Variants in PIGX observed in about 807,000 individuals in gnomAD.
PIGX encodes phosphatidylinositol glycan anchor biosynthesis class X, also known as GPI alpha-1,4-mannosyltransferase I, stabilizing subunit.
A neutral mutation model predicts 28.7 loss-of-function variants in PIGX; 24 were observed. The observed-to-expected ratio is 0.84, with a 90% CI of 0.60 to 1.17. PIGX has a LOEUF of 1.17. Ranked by LOEUF, PIGX falls within the 50% of genes most tolerant of loss-of-function variation. The pLI is 0.00. For missense variants in PIGX, 305 were observed against 317.8 expected, an observed-to-expected ratio of 0.96 and a Z score of 0.31; for synonymous variants, 127 against 121.0, an observed-to-expected ratio of 1.05 and a Z score of -0.33.
At chr3:196,732,488 G>A (rs1577682621) in intron 5 of PIGX, among the ~76,000 whole-genome samples, 1 of 150,224 alleles carries the variant, frequency 6.7e-6, no homozygotes, top group Non-Finnish European at 1.5e-5. Flanking sequence ...CACTGTGTTG[G>A]CCAGGCTGGT....
At chr3:196,716,673 A>G (rs1334554213) in intron 1 of PIGX, among the ~76,000 whole-genome samples, 185 bp from the exon 2 acceptor site, 1 of 152,206 alleles carries the variant, frequency 6.6e-6, no homozygotes, top group Non-Finnish European at 1.5e-5. Context: ...TCTTAACCAC[A>G]GTGCTATATT....
At chr3:196,718,054 T>C (rs1398239130) in intron 2 of PIGX, 1 of 152,184 alleles carries the variant, frequency 6.6e-6, no homozygotes, top group Non-Finnish European at 1.5e-5. Flanking sequence ...CTCATGCCTG[T>C]AATCCCAGCA....
rs150934474 is a variant in PIGX at position 196,724,812 on chromosome 3, A to G, written c.318+2256A>G. On this transcript the variant is annotated intron_variant, in intron 3 of 5. Coordinates refer to ENST00000392391, the MANE Select transcript of PIGX (RefSeq NM_017861.4). ...ATTCCTCGTACAGAGAAACTTTGTT[A>G]TGCTAAGTGTTATTATATAATAAGT... Among the ~76,000 whole-genome samples the G allele has an allele frequency of 1.1e-3, 170 of 152,296 alleles. 1 individual carries two copies. Among genetic ancestry groups the G allele is most frequent in the Non-Finnish European group, 2.1e-3 (143 of 68,030 alleles).
At chr3:196,718,328 G>T (rs568352999) in intron 2 of PIGX, among the ~76,000 whole-genome samples, 1 of 152,000 alleles carries the variant, frequency 6.6e-6, no homozygotes, top group Non-Finnish European at 1.5e-5. Flanking sequence ...AAAAAAAAAG[G>T]GGGGGAAGGG....
At chr3:196,713,188 T>G (rs1711908904) in intron 1 of PIGX, 3 of 660,702 alleles carry the variant, frequency 4.5e-6, no homozygotes, top group Non-Finnish European at 5.6e-6. Flanking sequence ...ATGAGGATGT[T>G]TCTGTCATCC....
At chr3:196,723,583 C>A (rs1712406731) in intron 3 of PIGX, among the ~76,000 whole-genome samples, 1 of 151,408 alleles carries the variant, frequency 6.6e-6, no homozygotes, top group Admixed American at 6.6e-5. Flanking sequence ...TAGATTGGGC[C>A]CCAAAATCTG....
At chr3:196,725,682 A>G (rs1712491086) in intron 3 of PIGX, among the ~76,000 whole-genome samples, 1 of 152,170 alleles carries the variant, frequency 6.6e-6, no homozygotes, top group South Asian at 2.1e-4. Context: ...GATGCCAGGG[A>G]AAGAGCCATC....
At chr3:196,716,233 A>G (rs1320757475) in intron 1 of PIGX, among the ~76,000 whole-genome samples, 3 of 151,256 alleles carry the variant, frequency 2.0e-5, no homozygotes, top group Non-Finnish European at 4.4e-5. Flanking sequence ...TTACAGTGGA[A>G]CCCGTTGAAC....
At chr3:196,730,551 C>G (rs1712705446) in intron 4 of PIGX, among the ~76,000 whole-genome samples, 1 of 151,776 alleles carries the variant, frequency 6.6e-6, no homozygotes, top group South Asian at 2.1e-4. Flanking sequence ...AGTTCAAGAC[C>G]ATCCTGGCCA....
intron 4 of PIGX, among the ~76,000 whole-genome samples, chr3:196,730,422 C>T (rs913255986): frequency 1.3e-5 from 2 of 152,006 alleles, no homozygotes. Context: ...TTTTTAAGAG[C>T]AGCCCCAAAT....
intron 3 of PIGX, among the ~76,000 whole-genome samples, chr3:196,727,170 T>C (rs1357963760): frequency 6.6e-6 from 1 of 152,146 alleles, no homozygotes; most frequent in Non-Finnish European, 1.5e-5. Context: ...TCCATACATA[T>C]ACACATAGGT....
chr3:196,717,531 G>T (rs1371621706), intron 2 of PIGX, among the ~76,000 whole-genome samples: 3 of 152,076 alleles, frequency 2.0e-5, no homozygotes, highest in African/African-American at 7.2e-5. Flanking sequence ...AAATGGCATA[G>T]TACTTGTATA....
At position 196,712,590 on chromosome 3, in the gene PIGX, A is replaced by T; in HGVS notation, c.58A>T (p.Thr20Ser). Reference sequence around the variant, plus strand: ...CGCCTGGCTGCTCCTCGGGGCGGCGACCGGGCTCACGCGCGGGCCCGCCGC... The same window carrying T: ...CGCCTGGCTGCTCCTCGGGGCGGCGTCCGGGCTCACGCGCGGGCCCGCCGC... Residue 20 changes from threonine to serine, a missense_variant, in exon 1 of 6, where the codon ACC (threonine) becomes TCC (serine). By Grantham distance (58) the Thr-to-Ser change is moderately conservative. Transcript: ENST00000392391. 7.6e-6 allele frequency: 9 copies of T among 1,191,144 alleles called. No individual in the cohort carries two copies. The highest frequency in any genetic ancestry group is 9.4e-6 in the Non-Finnish European group (9 of 961,892). 73.8% of individuals were successfully genotyped at this position (1,191,144 alleles called of 1,614,324 possible).
At chr3:196,732,216 TTATATA>T (rs1175656364) in intron 5 of PIGX, among the ~76,000 whole-genome samples, 1,520 of 51,310 alleles carry the variant, frequency 0.03, 66 homozygotes, top group Admixed American at 0.062. Flanking sequence ...TATATATTAT[TTATATA>T]TATATATATA....
rs1711865388 is a variant in PIGX, at chr3:196,712,589, G to T, written c.57G>T (p.Ala19=). Residue 19 remains alanine (A), a synonymous_variant, in exon 1 of 6, where the codon GCG becomes GCT. Coordinates refer to ENST00000392391, the MANE Select transcript of PIGX (RefSeq NM_017861.4). ...CCGCCTGGCTGCTCCTCGGGGCGGC[G>T]ACCGGGCTCACGCGCGGGCCCGCCG... 2 of 1,191,566 alleles carry T rather than the reference G, an allele frequency of 1.7e-6. No individual in the cohort carries two copies. Among genetic ancestry groups the T allele is most frequent in the South Asian group, 4.2e-5 (1 of 23,922 alleles). The allele number at this position is 1,191,566 out of a possible 1,614,324, so 73.8% of individuals were successfully genotyped here.
chr3:196,728,882 GGA>G, intron 4 of PIGX: 1 of 616,800 alleles, frequency 1.6e-6, no homozygotes. Flanking sequence ...CAGTATTGCA[GGA>G]CTCTGGCTTT....
chr3:196,714,891 C>T (rs111648251), intron 1 of PIGX, among the ~76,000 whole-genome samples: 2,437 of 152,184 alleles, frequency 0.016, 55 homozygotes, highest in African/African-American at 0.055. Context: ...GCCTGGCCAA[C>T]GTGGTGAAAC....
intron 2 of PIGX, among the ~76,000 whole-genome samples, chr3:196,721,994 C>T (rs1712344436): frequency 6.6e-6 from 1 of 152,162 alleles, no homozygotes; most frequent in Admixed American, 6.5e-5. Flanking sequence ...TCAGGCAGTC[C>T]ACCTGCCTCA....
At chr3:196,729,278 A>T (rs1712648495) in intron 4 of PIGX, among the ~76,000 whole-genome samples, 1 of 152,054 alleles carries the variant, frequency 6.6e-6, no homozygotes, top group African/African-American at 2.4e-5. Flanking sequence ...GGTTGCAGTG[A>T]GCCAAGATTA....
Sources: allele counts gnomAD v4.1 joint callset (sites outside exome capture counted in the v4.1 genomes callset), GRCh38; gene constraint gnomAD v4.1.1; transcripts MANE v1.5; gene names NCBI Gene and HGNC (gene_info 2026-07-23, HGNC 2026-07-21).